The following ALDH3B1 variants were observed in gnomAD, a reference collection of about 807,000 sequenced individuals.
The protein encoded by ALDH3B1 is aldehyde dehydrogenase 3 family member B1, also known as aldehyde dehydrogenase family 3 member B1.
Under a neutral mutation model 46.2 loss-of-function variants are expected in ALDH3B1, and 37 were observed. The ratio of observed to expected loss-of-function variants is 0.80; its 90% CI spans 0.62 to 1.05. The LOEUF (loss-of-function observed/expected upper bound fraction) is 1.05, where lower values mean the gene tolerates loss of function less well. Among genes scored for constraint, ALDH3B1 ranks in the 50% least tolerant of loss-of-function variants. ALDH3B1 has a pLI of 0.00. For synonymous variants in ALDH3B1, 283 were observed against 281.0 expected (o/e 1.01, Z -0.07); for missense variants, 603 against 665.5 (o/e 0.91, Z 1.03).
At chr11:68,009,795 T>C (rs1175975150), upstream of ALDH3B1, among the ~76,000 whole-genome samples, 1 of 152,162 alleles carries the variant, frequency 6.6e-6, no homozygotes, top group East Asian at 1.9e-4. Context: ...TCTAACTTTT[T>C]GCCTTCTCTC....
At chr11:68,025,461 C>T (rs1156670804) in intron 8 of ALDH3B1, 1 of 152,208 alleles carries the variant, frequency 6.6e-6, no homozygotes, top group African/African-American at 2.4e-5. Flanking sequence ...GAAGAAGGTC[C>T]TTCTCAAGGA....
chr11:68,008,940 G>T (rs1441038614), upstream of ALDH3B1, among the ~76,000 whole-genome samples: 1 of 152,206 alleles, frequency 6.6e-6, no homozygotes, highest in Non-Finnish European at 1.5e-5. Context: ...AGGTGTATCC[G>T]GGGCGGGCTG....
At chr11:68,022,803 T>C (rs779576331) in intron 8 of ALDH3B1, 42 bp downstream of exon 8, 2 of 1,610,506 alleles carry the variant, frequency 1.2e-6, no homozygotes, top group South Asian at 2.2e-5. Flanking sequence ...GAGCCCGCAG[T>C]GGGCAGCACA....
chr11:68,022,911 C>A, intron 8 of ALDH3B1, 150 bp downstream of exon 8: 2 of 1,228,092 alleles, frequency 1.6e-6, no homozygotes, highest in Non-Finnish European at 2.2e-6. Flanking sequence ...CTGGAAGCAG[C>A]TGAGCCTCAC....
chr11:68,022,812 C>G, intron 8 of ALDH3B1, 51 bp downstream of exon 8: 1 of 1,605,254 alleles, frequency 6.2e-7, no homozygotes, highest in South Asian at 1.1e-5. Context: ...GTGGGCAGCA[C>G]AAGTGGTGGC....
At chr11:68,015,761 G>A in intron 2 of ALDH3B1, 1 of 525,120 alleles carries the variant, frequency 1.9e-6, no homozygotes, top group Non-Finnish European at 3.6e-6. Context: ...CAATAAAACA[G>A]CAAATAAATA....
chr11:68,012,148 G>A (rs969052371), intron 1 of ALDH3B1, among the ~76,000 whole-genome samples: 19 of 152,172 alleles, frequency 1.2e-4, no homozygotes, highest in African/African-American at 4.6e-4. Flanking sequence ...CACTTGATAG[G>A]CCAGGGTGTG....
At chr11:68,023,062 GGT>G (rs1340945959) in intron 8 of ALDH3B1, among the ~76,000 whole-genome samples, 1 of 152,156 alleles carries the variant, frequency 6.6e-6, no homozygotes, top group Admixed American at 6.5e-5. Flanking sequence ...ATCGGGGCCT[GGT>G]GGCCACATGA....
chr11:68,021,385 T>G, intron 6 of ALDH3B1, 100 bp from the exon 7 acceptor site: 1 of 1,507,964 alleles, frequency 6.6e-7, no homozygotes, highest in Non-Finnish European at 8.9e-7. Context: ...TGCTGCCCGC[T>G]GACTCCACCA....
chr11:68,017,289 A>C (rs1857372708), intron 2 of ALDH3B1: 1 of 152,296 alleles, frequency 6.6e-6, no homozygotes, highest in African/African-American at 2.4e-5. Flanking sequence ...CCCCAGCCTC[A>C]GTGGCTAGGA....
At position 68,018,860 on chromosome 11, in the gene ALDH3B1, A is replaced by G. The variant is rs1857417647; in HGVS notation, c.361A>G (p.Thr121Ala). 9 of 1,562,702 alleles carry G rather than the reference A, an allele frequency of 5.8e-6. No homozygotes were observed. Among genetic ancestry groups the G allele is most frequent in the Non-Finnish European group, 7.8e-6 (9 of 1,153,886 alleles). ...GCCCTGGAACTATCCGCTGAACCTGACGCTGGTGCCCCTCGTGGGAGCCCT... is the reference window on the plus strand; with the variant it reads ...GCCCTGGAACTATCCGCTGAACCTGGCGCTGGTGCCCCTCGTGGGAGCCCT... ...IAPWNYPLNL[T>A]LVPLVGALAA... Residue 121 changes from threonine (T) to alanine (A), a missense_variant, in exon 4 of 10, where the codon ACG (threonine) becomes GCG (alanine). By Grantham distance (58) the Thr-to-Ala change is moderately conservative. Transcript: ENST00000342456.
At chr11:68,020,596 G>A (rs977160472) in intron 6 of ALDH3B1, among the ~76,000 whole-genome samples, 4 of 152,188 alleles carry the variant, frequency 2.6e-5, no homozygotes, top group African/African-American at 4.8e-5. Context: ...GCTGGCAGGC[G>A]AGTCTGCGCC....
At position 68,022,628 on chromosome 11, in the gene ALDH3B1, A is replaced by G; in HGVS notation, c.983A>G (p.Glu328Gly). Residue 328 changes from glutamate to glycine, a missense_variant, in exon 8 of 10, where the codon GAG becomes GGG. Physicochemically the swap from Glu to Gly is moderately conservative, Grantham distance 98. Transcript: ENST00000342456. ...GTGCTGGTGGATGTGCAGGAGATGG[A>G]GCCTGTGATGCAGGAGGAGATCTTC... The part of the protein sequence containing the change: ...PTVLVDVQEM[E>G]PVMQEEIFGP... The G allele has an allele frequency of 6.2e-7, 1 of 1,613,924 alleles. No individual in the cohort carries two copies. Among genetic ancestry groups the G allele is most frequent in the Non-Finnish European group, 8.5e-7 (1 of 1,179,990 alleles).
chr11:68,018,987 A>C lies in ALDH3B1; in HGVS notation c.394+94A>C, dbSNP rs1016802379. Reference sequence around the variant, plus strand: ...CAGGAGGACATGGGAGAACTGGCCCAGGTGGCAAAGAGGACTGTCTGGTCC... The same window carrying C: ...CAGGAGGACATGGGAGAACTGGCCCCGGTGGCAAAGAGGACTGTCTGGTCC... On this transcript the variant is annotated intron_variant, in intron 4 of 9. Transcript: ENST00000342456. 3.4e-6 allele frequency: 5 copies of C among 1,489,640 alleles called. No individual in the cohort carries two copies. In the Admixed American group the frequency reaches 1.1e-4, roughly 33 times the overall value. 92.3% of individuals were successfully genotyped at this position (1,489,640 alleles called of 1,614,324 possible). A position where few individuals can be genotyped will look rare whatever the true frequency, so the allele number is the denominator to read the frequency against.
upstream of ALDH3B1, among the ~76,000 whole-genome samples, chr11:68,008,878 G>A (rs866858292): frequency 6.6e-6 from 1 of 152,278 alleles, no homozygotes; most frequent in Middle Eastern, 3.4e-3. Flanking sequence ...TCCCCTGCCT[G>A]TCCACACCCA....
intron 1 of ALDH3B1, chr11:68,015,045 T>G (rs945013317): frequency 2.5e-6 from 1 of 400,094 alleles, no homozygotes; most frequent in Non-Finnish European, 4.4e-6. Flanking sequence ...TCCAGGTCCA[T>G]GGCAGAGGGG....
At chr11:68,024,852 G>T (rs959180648) in intron 8 of ALDH3B1, 3 of 152,172 alleles carry the variant, frequency 2.0e-5, no homozygotes, top group Admixed American at 6.5e-5. Flanking sequence ...GACTCCAGGG[G>T]CTGTAATCCA....
chr11:68,021,596 C>A lies in ALDH3B1; in HGVS notation c.674C>A (p.Pro225His), dbSNP rs1488507655. Residue 225 changes from proline (P) to histidine (H), a missense_variant, in exon 7 of 10, where the codon CCC (proline) becomes CAC (histidine). Pro to His is a moderately conservative substitution (Grantham distance 77). Coordinates refer to ENST00000342456, the MANE Select transcript of ALDH3B1 (RefSeq NM_000694.4). ...TGCTACGTGGACGACAACTGCGACC[C>A]CCAGACCGTGGCCAACCGCGTGGCC... Reference protein sequence around the residue: ...NPCYVDDNCDPQTVANRVAWF... With the variant: ...NPCYVDDNCDHQTVANRVAWF... 6.2e-7 allele frequency: 1 copy of A among 1,614,006 alleles called. No individual in the cohort carries two copies. The highest frequency in any genetic ancestry group is 2.2e-5 in the East Asian group (1 of 44,892).
At chr11:68,024,945 C>T (rs958052576) in intron 8 of ALDH3B1, 3 of 152,242 alleles carry the variant, frequency 2.0e-5, no homozygotes, top group Admixed American at 6.5e-5. Flanking sequence ...ACCTCCTTCC[C>T]CTCTGGTGCT....
Sources: allele counts gnomAD v4.1 joint callset (sites outside exome capture counted in the v4.1 genomes callset), GRCh38; gene constraint gnomAD v4.1.1; transcripts MANE v1.5; gene names NCBI Gene and HGNC (gene_info 2026-07-23, HGNC 2026-07-21).